The following ATAD3A variants were observed in gnomAD, a reference collection of about 807,000 sequenced individuals.
The protein encoded by ATAD3A is ATPase family AAA domain containing 3A, also known as ATPase family AAA domain-containing protein 3A.
In ATAD3A, 46 loss-of-function variants were observed where a neutral mutation model predicts 73.8. The ratio of observed to expected loss-of-function variants is 0.62; its 90% CI spans 0.49 to 0.80. The LOEUF (loss-of-function observed/expected upper bound fraction) is 0.80, where lower values mean the gene tolerates loss of function less well. ATAD3A is among the 30% of genes least tolerant of loss of function. The pLI is 0.00. For synonymous variants in ATAD3A, 319 were observed against 350.0 expected, an observed-to-expected ratio of 0.91 and a Z score of 0.99; for missense variants, 705 against 838.0, an observed-to-expected ratio of 0.84 and a Z score of 1.96.
At chr1:1,533,202 T>A (rs1236198215) in intron 15 of ATAD3A, among the ~76,000 whole-genome samples, 1 of 152,194 alleles carries the variant, frequency 6.6e-6, no homozygotes, top group East Asian at 1.9e-4. Flanking sequence ...GCCCTGTGCT[T>A]CCTCCAGGTG....
rs1216501284 is a variant in ATAD3A at position 1,523,404 on chromosome 1, T to C, written c.907-107T>C. 2.0e-6 allele frequency: 3 copies of C among 1,521,670 alleles called. No homozygotes were observed. Among genetic ancestry groups the C allele is most frequent in the Middle Eastern group, 2.3e-4 (1 of 4,368 alleles). 94.3% of individuals were successfully genotyped at this position (1,521,670 alleles called of 1,614,324 possible). A position where few individuals can be genotyped will look rare whatever the true frequency, so the allele number is the denominator to read the frequency against. The stretch of plus-strand genomic sequence containing the variant: ...CTCCGGGCCGGTCCTGGCTGTGCTT[T>C]GGGGCAGCTCCGTTTCTGCGTGTTA... On this transcript the variant is annotated intron_variant, in intron 8 of 15. Coordinates refer to ENST00000378756, the MANE Select transcript of ATAD3A (RefSeq NM_001170535.3). The surrounding 1 kb of genome is among the most constrained non-coding windows in gnomAD (Gnocchi z 5.1).
chr1:1,528,315 G>A (rs1369789762), intron 14 of ATAD3A, among the ~76,000 whole-genome samples: 1 of 151,654 alleles, frequency 6.6e-6, no homozygotes, highest in Non-Finnish European at 1.5e-5. Context: ...TCTTGTGCTC[G>A]GCCACCCCCA....
rs760598602 is a variant in ATAD3A at position 1,526,509 on chromosome 1, C to T, written c.1315C>T (p.Arg439Cys). 2.5e-5 allele frequency: 41 copies of T among 1,612,524 alleles called. No homozygotes were observed. The highest frequency in any genetic ancestry group is 3.1e-5 in the Non-Finnish European group (37 of 1,179,688). The stretch of plus-strand genomic sequence containing the variant: ...GGCCACACTGAACGCCTTCCTGTAC[C>T]GCACGGGCCAGCACAGCAACAAGTG... Reference protein sequence around the residue: ...LRATLNAFLYRTGQHSNKFML... With the variant: ...LRATLNAFLYCTGQHSNKFML... Residue 439 changes from arginine (R) to cysteine (C), a missense_variant, in exon 13 of 16, where the codon CGC (arginine) becomes TGC (cysteine). Around this residue, in one of 5 missense-constraint regions of ATAD3A, gnomAD observed 252 missense variants for 278.5 expected, o/e 0.90. Transcript: ENST00000378756.
At chr1:1,514,164 C>T (rs1017903634) in intron 1 of ATAD3A, among the ~76,000 whole-genome samples, 1 of 152,194 alleles carries the variant, frequency 6.6e-6, no homozygotes, top group Non-Finnish European at 1.5e-5. Context: ...CACACGGGCA[C>T]CTGACCTGCT....
chr1:1,516,006 C>T lies in ATAD3A; in HGVS notation c.206-6C>T, dbSNP rs374810157. ...ACACCTGCCCTCCGTGTCCTTGCGTCTGCAGGTTATGCCAAGGACGCCCTG... is the reference window on the plus strand; with the variant it reads ...ACACCTGCCCTCCGTGTCCTTGCGTTTGCAGGTTATGCCAAGGACGCCCTG... On this transcript the variant is annotated splice_polypyrimidine_tract_variant and splice_region_variant and intron_variant, in intron 1 of 15. Transcript: ENST00000378756. 2 of 1,614,056 alleles carry T rather than the reference C, an allele frequency of 1.2e-6. No individual in the cohort carries two copies. The highest frequency in any genetic ancestry group is 1.7e-6 in the Non-Finnish European group (2 of 1,179,940).
In ATAD3A at chr1:1,534,098, G is replaced by C; in HGVS notation, c.*26G>C. ...GTCCACAGGGAGATCCACAGCTCAC[G>C]GAGCCTGGCCGCGGACCCCTCCCAC... On this transcript the variant is annotated 3_prime_UTR_variant, in exon 16 of 16. Coordinates refer to ENST00000378756, the MANE Select transcript of ATAD3A (RefSeq NM_001170535.3). 6.2e-7 allele frequency: 1 copy of C among 1,613,374 alleles called. No individual in the cohort carries two copies. Among genetic ancestry groups the C allele is most frequent in the Non-Finnish European group, 8.5e-7 (1 of 1,179,798 alleles).
At position 1,522,906 on chromosome 1, in the gene ATAD3A, G is replaced by A. The variant is rs1361234268; in HGVS notation, c.906+7G>A. 2.5e-6 allele frequency: 4 copies of A among 1,605,642 alleles called. No individual in the cohort carries two copies. Among genetic ancestry groups the A allele is most frequent in the African/African-American group, 2.7e-5 (2 of 73,264 alleles). ...GCTGCGGCACCCCATCCAGGTAGCA[G>A]CGCAGGCCTGGCCCTCCCTGAGTGC... On this transcript the variant is annotated splice_region_variant and intron_variant, in intron 8 of 15. Transcript: ENST00000378756.
intron 1 of ATAD3A, among the ~76,000 whole-genome samples, chr1:1,515,235 C>T (rs1452794030): frequency 6.6e-6 from 1 of 152,190 alleles, no homozygotes; most frequent in African/African-American, 2.4e-5. Context: ...CGCCACTGCG[C>T]CCAGCTAATT....
chr1:1,523,539 A>C lies in ATAD3A; in HGVS notation c.935A>C (p.Gln312Pro). The change falls in exon 9 of 16, where the codon CAG becomes CCG. Residue 312 changes from glutamine (Q) to proline (P), a missense_variant. Transcript: ENST00000378756. The surrounding 1 kb of genome is among the most constrained non-coding windows in gnomAD (Gnocchi z 5.1). ...AGCCGGCGGCTCCTCAGTCGACCCC[A>C]GGACGCGCTGGAGGGTGTTGTGCTC... ...QVSRRLLSRP[Q>P]DALEGVVLSP... 1.9e-6 allele frequency: 3 copies of C among 1,612,800 alleles called. No homozygotes were observed. The highest frequency in any genetic ancestry group is 2.5e-6 in the Non-Finnish European group (3 of 1,179,648).
rs1381107714 is a variant in ATAD3A at position 1,527,122 on chromosome 1, C to T, written c.1338-573C>T. On this transcript the variant is annotated intron_variant, in intron 13 of 15. Coordinates refer to ENST00000378756, the MANE Select transcript of ATAD3A (RefSeq NM_001170535.3). Reference sequence around the variant, plus strand: ...AGGCTCCCTAGTCCCTCCCAAGTCCCCTAATTTTGAGTTTTCTTGGTCTCC... The same window carrying T: ...AGGCTCCCTAGTCCCTCCCAAGTCCTCTAATTTTGAGTTTTCTTGGTCTCC... The T allele has an allele frequency of 3.9e-6, 5 of 1,277,650 alleles. No individual in the cohort carries two copies. The African/African-American group carries it at 7.6e-5, about 20-fold the overall frequency. 79.1% of individuals were successfully genotyped at this position (1,277,650 alleles called of 1,614,324 possible).
At chr1:1,516,355 T>C (rs1641357604) in intron 2 of ATAD3A, among the ~76,000 whole-genome samples, 1 of 152,130 alleles carries the variant, frequency 6.6e-6, no homozygotes, top group South Asian at 2.1e-4. Context: ...GGGCGTCTGG[T>C]CGTCCGGATG....
Position 1,525,413 on chromosome 1 carries a change from CTTTTTTTT to C in ATAD3A, c.1266+134_1266+141del, listed in dbSNP as rs57929223. The C allele has an allele frequency of 5.4e-6, 4 of 746,042 alleles. No individual in the cohort carries two copies. In the African/African-American group the frequency reaches 6.1e-5, roughly 11 times the overall value. 46.2% of individuals were successfully genotyped at this position (746,042 alleles called of 1,614,324 possible). On this transcript the variant is annotated intron_variant, in intron 12 of 15. Coordinates refer to ENST00000378756, the MANE Select transcript of ATAD3A (RefSeq NM_001170535.3). ...TCTGTAAGCTTTGTGTGAAAAACAG[CTTTTTTTT>C]TTTTTTTTTTTGAGAAGAAATCTCG...
Position 1,534,434 on chromosome 1 carries a change from G to A in ATAD3A, c.*362G>A, listed in dbSNP as rs931591453. 100 of 1,264,258 alleles carry A rather than the reference G, an allele frequency of 7.9e-5. No individual in the cohort carries two copies. The African/African-American group carries it at 1.2e-3, about 15-fold the overall frequency. 78.3% of individuals were successfully genotyped at this position (1,264,258 alleles called of 1,614,324 possible). A position where few individuals can be genotyped will look rare whatever the true frequency, so the allele number is the denominator to read the frequency against. ...GGGCAGCAGGAGCCAGGCAGGTGAT[G>A]TCTTTGTTCTCGGCTCCCACAGCAG... On this transcript the variant is annotated 3_prime_UTR_variant, in exon 16 of 16. Coordinates refer to ENST00000378756, the MANE Select transcript of ATAD3A (RefSeq NM_001170535.3).
chr1:1,526,540 G>A lies in ATAD3A; in HGVS notation c.1337+9G>A. ...GGCCAGCACAGCAACAAGTGAGGGA[G>A]CCCCTCGGGTCCTGGGCCCCCGGGC... On this transcript the variant is annotated intron_variant, in intron 13 of 15. Transcript: ENST00000378756. 4.3e-6 allele frequency: 7 copies of A among 1,612,264 alleles called. No individual in the cohort carries two copies. Among genetic ancestry groups the A allele is most frequent in the Non-Finnish European group, 5.9e-6 (7 of 1,179,678 alleles).
At chr1:1,522,719 C>T (rs370270241) in intron 7 of ATAD3A, 25 bp from the exon 8 acceptor site, 18 of 1,610,504 alleles carry the variant, frequency 1.1e-5, no homozygotes, top group South Asian at 5.5e-5. Flanking sequence ...GGGGCCGGTG[C>T]GCCAGTGCGG....
In ATAD3A at chr1:1,516,021, A is replaced by C. The variant is rs1289768633; in HGVS notation, c.215A>C (p.Lys72Thr). ...GTCCTTGCGTCTGCAGGTTATGCCA[A>C]GGACGCCCTGAATCTGGCACAGATG... ...ARELEHSRYA[K>T]DALNLAQMQE... Residue 72 changes from lysine (K) to threonine (T), a missense_variant, in exon 2 of 16, where the codon AAG (lysine) becomes ACG (threonine). Coordinates refer to ENST00000378756, the MANE Select transcript of ATAD3A (RefSeq NM_001170535.3). 1 of 1,613,910 alleles carries C rather than the reference A, an allele frequency of 6.2e-7. No individual in the cohort carries two copies. Among genetic ancestry groups the C allele is most frequent in the East Asian group, 2.2e-5 (1 of 44,888 alleles).
chr1:1,533,960 C>T lies in ATAD3A; in HGVS notation c.1649C>T (p.Thr550Ile), dbSNP rs1462571943. 1.9e-6 allele frequency: 3 copies of T among 1,613,408 alleles called. No individual in the cohort carries two copies. The highest frequency in any genetic ancestry group is 2.5e-6 in the Non-Finnish European group (3 of 1,179,936). The change falls in exon 16 of 16, where the codon ACC becomes ATC. Residue 550 changes from threonine (T) to isoleucine (I), a missense_variant. Coordinates refer to ENST00000378756, the MANE Select transcript of ATAD3A (RefSeq NM_001170535.3). ...TATGCCTCCGAGGACGGGGTCCTGA[C>T]CGAGGCCATGATGGACACCCGCGTG... ...TAYASEDGVL[T>I]EAMMDTRVQD...
chr1:1,524,026 G>T, intron 10 of ATAD3A, 62 bp downstream of exon 10: 1 of 1,610,580 alleles, frequency 6.2e-7, no homozygotes, highest in South Asian at 1.1e-5. Flanking sequence ...GCCTGCAGGT[G>T]TCTGGGGGGC....
Position 1,523,441 on chromosome 1 carries a change from T to C in ATAD3A, c.907-70T>C. 1 of 1,574,372 alleles carries C rather than the reference T, an allele frequency of 6.4e-7. No homozygotes were observed. The highest frequency in any genetic ancestry group is 8.6e-7 in the Non-Finnish European group (1 of 1,158,800). ...GTTTCTGCGTGTTACCGAGCGTGTG[T>C]GTGCGCGTTGGTGGCTGTTCCGTGG... On this transcript the variant is annotated intron_variant, in intron 8 of 15. Transcript: ENST00000378756. The surrounding 1 kb of genome is among the most constrained non-coding windows in gnomAD (Gnocchi z 5.1).
Sources: allele counts gnomAD v4.1 joint callset (sites outside exome capture counted in the v4.1 genomes callset), GRCh38; gene constraint gnomAD v4.1.1; regional missense constraint gnomAD v4.1.1; non-coding constraint Gnocchi (gnomAD v3.1); transcripts MANE v1.5; gene names NCBI Gene and HGNC (gene_info 2026-07-23, HGNC 2026-07-21).